CTH: variants seen among roughly 807,000 people sequenced by gnomAD.
The protein encoded by CTH is cystathionine gamma-lyase, also known as cystathionase (cystathionine gamma-lyase).
CTH carries 41 observed loss-of-function variants against 50.6 expected under a neutral mutation model. That is an observed-to-expected ratio of 0.81 (90% CI 0.63 to 1.05). CTH has a LOEUF of 1.05. CTH is among the 50% of genes least tolerant of loss of function. The probability of loss-of-function intolerance (pLI) is 0.00; values close to 1 mark genes in which losing one functional copy is unlikely to be tolerated. For synonymous variants in CTH, 156 were observed against 168.9 expected (o/e 0.92, Z 0.59); for missense variants, 470 against 492.6 (o/e 0.95, Z 0.43).
chr1:70,438,472 T>TAAAC (rs1395172671), intron 10 of CTH, among the ~76,000 whole-genome samples: 1 of 152,182 alleles, frequency 6.6e-6, no homozygotes, highest in East Asian at 1.9e-4. Flanking sequence ...ACCAATGGTA[T>TAAAC]AAACAGGATA....
In CTH at chr1:70,439,695, A is replaced by G. The variant is rs1388780051; in HGVS notation, c.*568A>G. ...CGCGGTGGCTCACGCATGTAATGCC[A>G]GCACTTTTGGAGGATAAGGCGGGCG... is the stretch of plus-strand genomic sequence containing the variant. On this transcript the variant is annotated 3_prime_UTR_variant, in exon 12 of 12. Coordinates refer to ENST00000370938, the MANE Select transcript of CTH (RefSeq NM_001902.6). The G allele has an allele frequency of 1.9e-5, 3 of 155,582 alleles. No homozygotes were observed. Among genetic ancestry groups the G allele is most frequent in the African/African-American group, 7.2e-5 (3 of 41,496 alleles). 9.6% of individuals were successfully genotyped at this position (155,582 alleles called of 1,614,324 possible). A position where few individuals can be genotyped will look rare whatever the true frequency, so the allele number is the denominator to read the frequency against.
chr1:70,423,409 AT>A (rs1170422295), intron 4 of CTH, among the ~76,000 whole-genome samples: 17 of 151,374 alleles, frequency 1.1e-4, no homozygotes, highest in South Asian at 2.1e-4. Flanking sequence ...AAAAAAAAAA[AT>A]AATAATAATA....
rs140545870 is a variant in CTH, at chr1:70,423,307, C to T, written c.457-978C>T. 7.5e-3 allele frequency among the ~76,000 whole-genome samples: 1,137 copies of T among 151,790 alleles called. 6 individuals are homozygous for T. The highest frequency in any genetic ancestry group is 0.011 in the Admixed American group (173 of 15,232). On this transcript the variant is annotated intron_variant, in intron 4 of 11. Coordinates refer to ENST00000370938, the MANE Select transcript of CTH (RefSeq NM_001902.6). ...AAAGAATCAGCTGGGCACAGTGGCT[C>T]ATGCCTGTAATACCAGCACTTTGGG... is the stretch of plus-strand genomic sequence containing the variant.
Position 70,432,181 on chromosome 1 carries a change from G to A in CTH, c.823G>A (p.Ala275Thr). ...RMEKHFKNGMAVAQFLESNPW... is the reference protein window; with the variant it reads ...RMEKHFKNGMTVAQFLESNPW... ...GGAAAAGCATTTCAAAAACGGAATGGCAGTTGCCCAGTTCCTGGAATCTAA... is the reference window on the plus strand; with the variant it reads ...GGAAAAGCATTTCAAAAACGGAATGACAGTTGCCCAGTTCCTGGAATCTAA... The change falls in exon 8 of 12, where the codon GCA (alanine) becomes ACA (threonine). Residue 275 changes from alanine to threonine, a missense_variant. By Grantham distance (58) the Ala-to-Thr change is moderately conservative (BLOSUM62 0). Coordinates refer to ENST00000370938, the MANE Select transcript of CTH (RefSeq NM_001902.6). 1.2e-6 allele frequency: 2 copies of A among 1,614,208 alleles called. No individual in the cohort carries two copies. The highest frequency in any genetic ancestry group is 8.5e-7 in the Non-Finnish European group (1 of 1,180,036).
intron 5 of CTH, 71 bp downstream of exon 5, chr1:70,424,487 TGC>T (rs1684302889): frequency 6.3e-7 from 1 of 1,599,650 alleles, no homozygotes; most frequent in East Asian, 2.2e-5. Flanking sequence ...AGAAAGGACT[TGC>T]TTAAATTAAA....
At position 70,429,153 on chromosome 1, in the gene CTH, T is replaced by C. The variant is rs193126117; in HGVS notation, c.589-641T>C. The stretch of plus-strand genomic sequence containing the variant: ...CTTTATAAATGGTTGTTACACTATA[T>C]TGTTTAGGAACTAATGACAAGAAAA... On this transcript the variant is annotated intron_variant, in intron 5 of 11. Coordinates refer to ENST00000370938, the MANE Select transcript of CTH (RefSeq NM_001902.6). 1.1e-3 allele frequency among the ~76,000 whole-genome samples: 160 copies of C among 152,314 alleles called. 3 individuals carry two copies. Among genetic ancestry groups the C allele is most frequent in the Middle Eastern group, 0.01 (3 of 294 alleles).
chr1:70,422,846 G>A (rs1024093505), intron 4 of CTH, among the ~76,000 whole-genome samples: 4 of 151,952 alleles, frequency 2.6e-5, no homozygotes, highest in African/African-American at 7.2e-5. Context: ...TCCTGACCTT[G>A]TGATCCGCCT....
At chr1:70,420,381 T>C (rs1684188702) in intron 3 of CTH, among the ~76,000 whole-genome samples, 1 of 152,190 alleles carries the variant, frequency 6.6e-6, no homozygotes, top group African/African-American at 2.4e-5. Context: ...CATCAGGCAC[T>C]ATTTAGATTC....
chr1:70,420,761 C>T (rs1429156646), intron 3 of CTH, among the ~76,000 whole-genome samples: 1 of 151,996 alleles, frequency 6.6e-6, no homozygotes, highest in Non-Finnish European at 1.5e-5. Flanking sequence ...AAATCTGAAA[C>T]CTTTAGATAC....
chr1:70,430,215 T>A (rs930134925), intron 6 of CTH, 102 bp from the exon 7 acceptor site: 1 of 745,460 alleles, frequency 1.3e-6, no homozygotes, highest in Admixed American at 2.1e-5. Context: ...CCCTGAGAGT[T>A]TTTTCAAGTG....
At chr1:70,413,262 T>TC (rs1227116378) in intron 1 of CTH, among the ~76,000 whole-genome samples, 346 of 150,222 alleles carry the variant, frequency 2.3e-3, no homozygotes, top group African/African-American at 8.0e-3. Context: ...TTTCTTTCTT[T>TC]TTTTTTTTTT....
chr1:70,415,921 A>G (rs367684926), intron 1 of CTH, 35 bp from the exon 2 acceptor site: 94 of 1,159,432 alleles, frequency 8.1e-5, no homozygotes, highest in Non-Finnish European at 1.1e-4. Context: ...ATAAACTGAA[A>G]TCTCTTAGGA....
chr1:70,427,141 C>T (rs1435748954), intron 5 of CTH, among the ~76,000 whole-genome samples: 1 of 152,168 alleles, frequency 6.6e-6, no homozygotes, highest in African/African-American at 2.4e-5. Context: ...CATTGTCTTA[C>T]CTTAATGAAA....
chr1:70,412,180 T>A (rs1379090063), intron 1 of CTH, among the ~76,000 whole-genome samples: 1 of 152,242 alleles, frequency 6.6e-6, no homozygotes, highest in Non-Finnish European at 1.5e-5. Flanking sequence ...GGAGATGGAA[T>A]TCAAACTTTA....
intron 5 of CTH, among the ~76,000 whole-genome samples, chr1:70,429,205 C>A (rs1684412118): frequency 6.6e-6 from 1 of 152,148 alleles, no homozygotes; most frequent in Non-Finnish European, 1.5e-5. Flanking sequence ...AATACAGACA[C>A]AACTGTTCAT....
At chr1:70,438,022 GA>G (rs1183977465) in intron 10 of CTH, among the ~76,000 whole-genome samples, 1 of 152,178 alleles carries the variant, frequency 6.6e-6, no homozygotes, top group Non-Finnish European at 1.5e-5. Context: ...TTAGGTTAAA[GA>G]AAATATCTCA....
chr1:70,423,877 C>T (rs1161816776), intron 4 of CTH, among the ~76,000 whole-genome samples: 1 of 152,138 alleles, frequency 6.6e-6, no homozygotes. Context: ...GGATAATTCT[C>T]TTTCATTAAA....
rs1684535977 is a variant in CTH at position 70,433,860 on chromosome 1, A to G, written c.910A>G (p.Lys304Glu). 1 of 1,614,000 alleles carries G rather than the reference A, an allele frequency of 6.2e-7. No individual in the cohort carries two copies. The part of the protein sequence containing the change: ...LPSHPQHELV[K>E]RQCTGCTGMV... ...CTCTCATCCACAGCATGAGTTGGTG[A>G]AGCGTCAGTGTACAGGTTGTACAGG... The change falls in exon 9 of 12, where the codon AAG becomes GAG. Residue 304 changes from lysine (K) to glutamate (E), a missense_variant. Coordinates refer to ENST00000370938, the MANE Select transcript of CTH (RefSeq NM_001902.6).
chr1:70,420,796 C>G (rs1684203089), intron 3 of CTH, among the ~76,000 whole-genome samples: 1 of 152,084 alleles, frequency 6.6e-6, no homozygotes, highest in Non-Finnish European at 1.5e-5. Context: ...ATAAAAGTCT[C>G]ATGGCAAACA....
Sources: allele counts gnomAD v4.1 joint callset (sites outside exome capture counted in the v4.1 genomes callset), GRCh38; gene constraint gnomAD v4.1.1; transcripts MANE v1.5; gene names NCBI Gene and HGNC (gene_info 2026-07-23, HGNC 2026-07-21).